CDC27: variants seen among roughly 807,000 people sequenced by gnomAD.
The protein encoded by CDC27 is cell division cycle protein 27 homolog.
In CDC27, 27 loss-of-function variants were observed where a neutral mutation model predicts 109.7. That is an observed-to-expected ratio of 0.25 (90% CI 0.18 to 0.34). CDC27 has a LOEUF of 0.34. CDC27 is among the 10% of genes least tolerant of loss of function. The pLI, the probability that CDC27 is intolerant of heterozygous loss-of-function variation, is 1.00. For synonymous variants in CDC27, 266 were observed against 333.9 expected (o/e 0.80, Z 2.22); for missense variants, 579 against 960.2 (o/e 0.60, Z 5.25).
At chr17:47,165,118 C>T (rs1226135627) in intron 4 of CDC27, among the ~76,000 whole-genome samples, 1 of 152,078 alleles carries the variant, frequency 6.6e-6, no homozygotes, top group Non-Finnish European at 1.5e-5. Context: ...GCCATAATAA[C>T]CTTGTAATCT....
chr17:47,181,638 C>T lies in CDC27; in HGVS notation c.28-1G>A. On this transcript the variant is annotated splice_acceptor_variant, in intron 1 of 18. Transcript: ENST00000066544. LOFTEE classifies it high-confidence loss of function. ...GGTTTAGTGCTTGCCATATAGCAGC[C>T]TGCAAATGGAGGAAAAAGAACATAA... 1 of 1,590,312 alleles carries T rather than the reference C, an allele frequency of 6.3e-7. No homozygotes were observed. Among genetic ancestry groups the T allele is most frequent in the Non-Finnish European group, 8.6e-7 (1 of 1,161,840 alleles).
intron 14 of CDC27, among the ~76,000 whole-genome samples, chr17:47,134,622 C>T (rs750129780): frequency 5.3e-5 from 8 of 151,894 alleles, no homozygotes; most frequent in South Asian, 2.1e-4. Flanking sequence ...ACTACAGGCA[C>T]GCATCACCAC....
chr17:47,132,265 T>C lies in CDC27; in HGVS notation c.2023A>G (p.Ile675Val). 6.6e-7 allele frequency: 1 copy of C among 1,523,566 alleles called. No homozygotes were observed. Among genetic ancestry groups the C allele is most frequent in the African/African-American group, 1.4e-5 (1 of 72,852 alleles). The allele number at this position is 1,523,566 out of a possible 1,614,324, so 94.4% of individuals were successfully genotyped here. ...TTTAGAAAGCTACTTACTACTCCAA[T>C]GTGGCAAAGTAAAACTGAACTTTGA... The part of the protein sequence containing the change: ...NPQSSVLLCH[I>V]GVVQHALKKS... The change falls in exon 15 of 19, where the codon ATT becomes GTT. Residue 675 changes from isoleucine (I) to valine (V), a missense_variant. This residue lies in a region of CDC27 where 227 missense variants were observed against 363.6 expected (regional missense o/e 0.62). Transcript: ENST00000066544.
intron 4 of CDC27, among the ~76,000 whole-genome samples, chr17:47,163,071 A>T (rs556706760): frequency 8.1e-4 from 123 of 152,318 alleles, no homozygotes; most frequent in African/African-American, 2.8e-3. Context: ...AAATTGAGTG[A>T]TACACACAAA....
chr17:47,179,275 G>A (rs143321579), intron 2 of CDC27, among the ~76,000 whole-genome samples: 43 of 152,306 alleles, frequency 2.8e-4, no homozygotes, highest in African/African-American at 1.0e-3. Context: ...ACTGCTACTA[G>A]TGACATAGGA....
At chr17:47,148,787 T>A (rs946376333) in intron 9 of CDC27, among the ~76,000 whole-genome samples, 2 of 151,972 alleles carry the variant, frequency 1.3e-5, no homozygotes, top group Non-Finnish European at 2.9e-5. Flanking sequence ...AATTGTCAAT[T>A]AGAAATTCTT....
chr17:47,142,337 T>C lies in CDC27; in HGVS notation c.1270A>G (p.Asn424Asp), dbSNP rs774081992. The change falls in exon 11 of 19, where the codon AAT (asparagine) becomes GAT (aspartate). Residue 424 changes from asparagine to aspartate, a missense_variant. By Grantham distance (23) the Asn-to-Asp change is conservative (BLOSUM62 1). Around this residue, in one of 9 missense-constraint regions of CDC27, gnomAD observed 58 missense variants for 116.6 expected, o/e 0.50. Coordinates refer to ENST00000066544, the MANE Select transcript of CDC27 (RefSeq NM_001256.6). Reference sequence around the variant, plus strand: ...AATTTTGTAATTTCCAGGCTATCATTTATGTTAGGTTGAGTTATTCCTCCT... The same window carrying C: ...AATTTTGTAATTTCCAGGCTATCATCTATGTTAGGTTGAGTTATTCCTCCT... Reference protein sequence around the residue: ...NKGGITQPNINDSLEITKLDS... With the variant: ...NKGGITQPNIDDSLEITKLDS... 1.3e-6 allele frequency: 2 copies of C among 1,528,252 alleles called. No homozygotes were observed. Among genetic ancestry groups the C allele is most frequent in the Non-Finnish European group, 1.8e-6 (2 of 1,105,894 alleles). The allele number at this position is 1,528,252 out of a possible 1,614,324, so 94.7% of individuals were successfully genotyped here. A position where few individuals can be genotyped will look rare whatever the true frequency, so the allele number is the denominator to read the frequency against.
Position 47,143,991 on chromosome 17 carries a change from A to T in CDC27, c.1071-9T>A, listed in dbSNP as rs377519746. 1.3e-4 allele frequency: 166 copies of T among 1,290,916 alleles called. 1 individual carries two copies. The highest frequency in any genetic ancestry group is 2.6e-5 in the Non-Finnish European group (25 of 970,420). The allele number at this position is 1,290,916 out of a possible 1,614,324, so 80.0% of individuals were successfully genotyped here. Reference sequence around the variant, plus strand: ...ATACCTGAGGTGTTGTACTAAAAAAAAATTATAAAGGAAGACATTAATATT... The same window carrying T: ...ATACCTGAGGTGTTGTACTAAAAAATAATTATAAAGGAAGACATTAATATT... On this transcript the variant is annotated splice_polypyrimidine_tract_variant and intron_variant, in intron 9 of 18. Coordinates refer to ENST00000066544, the MANE Select transcript of CDC27 (RefSeq NM_001256.6).
intron 7 of CDC27, among the ~76,000 whole-genome samples, chr17:47,156,387 C>T (rs558152036): frequency 6.6e-5 from 10 of 152,176 alleles, no homozygotes; most frequent in Admixed American, 6.5e-4. Context: ...ATCTGCCCAC[C>T]TTGGTCTCCC....
chr17:47,188,890 C>A lies in CDC27; in HGVS notation c.27+256G>T. The A allele has an allele frequency of 4.3e-6, 6 of 1,385,940 alleles. No homozygotes were observed. The South Asian group carries it at 9.7e-5, about 22-fold the overall frequency. 85.9% of individuals were successfully genotyped at this position (1,385,940 alleles called of 1,614,324 possible). On this transcript the variant is annotated intron_variant, in intron 1 of 18. Coordinates refer to ENST00000066544, the MANE Select transcript of CDC27 (RefSeq NM_001256.6). ...GGACTGACAGGAAAGGCTGGCCGGA[C>A]GTTGGCTCGGACGGGAAAGGCGGTT...
chr17:47,124,705 C>T (rs781420819), intron 16 of CDC27, among the ~76,000 whole-genome samples: 3 of 152,216 alleles, frequency 2.0e-5, no homozygotes, highest in South Asian at 2.1e-4. Flanking sequence ...TAGATTCTCA[C>T]ATCTATCTGC....
At chr17:47,188,920 T>C in intron 1 of CDC27, 1 of 1,386,886 alleles carries the variant, frequency 7.2e-7, no homozygotes, top group Non-Finnish European at 9.4e-7. Flanking sequence ...GCGGTTATTT[T>C]CGCCGAAGCC....
At chr17:47,158,912 A>T (rs1348130213) in intron 4 of CDC27, among the ~76,000 whole-genome samples, 1 of 151,738 alleles carries the variant, frequency 6.6e-6, no homozygotes, top group East Asian at 1.9e-4. Context: ...GAGCCACCGC[A>T]CCTGGCCTTT....
intron 2 of CDC27, among the ~76,000 whole-genome samples, chr17:47,174,965 C>A (rs1461796122): frequency 7.5e-6 from 1 of 132,710 alleles, no homozygotes; most frequent in African/African-American, 2.8e-5. Flanking sequence ...ACAGGACTAT[C>A]GAAACAGGAC....
At chr17:47,156,577 AGCTGGGATTACAGGC>A (rs2063314706) in intron 7 of CDC27, 1 of 160,798 alleles carries the variant, frequency 6.2e-6, no homozygotes. Flanking sequence ...CCTCCTGAGT[AGCTGGGATTACAGGC>A]GCCCGCCACC....
intron 8 of CDC27, among the ~76,000 whole-genome samples, chr17:47,154,112 T>C (rs1237416364): frequency 1.3e-5 from 2 of 148,334 alleles, no homozygotes; most frequent in African/African-American, 4.9e-5. Context: ...AAAAGCCTCA[T>C]GAAACTTGCC....
intron 4 of CDC27, among the ~76,000 whole-genome samples, chr17:47,167,517 C>T (rs754380874): frequency 6.6e-6 from 1 of 152,108 alleles, no homozygotes; most frequent in African/African-American, 2.4e-5. Flanking sequence ...TATCACAACC[C>T]CTCTTCTTAA....
At chr17:47,154,597 G>C (rs2066038016) in intron 8 of CDC27, 75 bp downstream of exon 8, 1 of 764,998 alleles carries the variant, frequency 1.3e-6, no homozygotes, top group Admixed American at 2.6e-5. Context: ...GATTTTCCCT[G>C]AGATTACCTT....
chr17:47,168,880 T>A (rs528716921), intron 4 of CDC27, among the ~76,000 whole-genome samples: 1 of 152,122 alleles, frequency 6.6e-6, no homozygotes, highest in Non-Finnish European at 1.5e-5. Context: ...CCTAGTTCTT[T>A]AGACAAGCAG....
Sources: allele counts gnomAD v4.1 joint callset (sites outside exome capture counted in the v4.1 genomes callset), GRCh38; gene constraint gnomAD v4.1.1; regional missense constraint gnomAD v4.1.1; transcripts MANE v1.5; gene names NCBI Gene and HGNC (gene_info 2026-07-23, HGNC 2026-07-21).